DNAJC11: variants seen among roughly 807,000 people sequenced by gnomAD.
DNAJC11 encodes dnaJ homolog subfamily C member 11.
A neutral mutation model predicts 78.6 loss-of-function variants in DNAJC11; 15 were observed. The observed-to-expected ratio is 0.19, with a 90% CI of 0.13 to 0.29. The LOEUF (loss-of-function observed/expected upper bound fraction) is 0.29, where lower values mean the gene tolerates loss of function less well. Among genes scored for constraint, DNAJC11 ranks in the 10% least tolerant of loss-of-function variants. DNAJC11 has a pLI of 1.00. For missense variants in DNAJC11, 547 were observed against 709.6 expected (o/e 0.77, Z 2.60); for synonymous variants, 292 against 272.1 (o/e 1.07, Z -0.72).
At chr1:6,662,028 T>C (rs113119741) in intron 4 of DNAJC11, among the ~76,000 whole-genome samples, 159 of 152,228 alleles carry the variant, frequency 1.0e-3, no homozygotes, top group African/African-American at 3.6e-3. Flanking sequence ...CCTGGCTTAC[T>C]GCAACCTCCA....
intron 1 of DNAJC11, among the ~76,000 whole-genome samples, chr1:6,692,733 C>T (rs1177703718): frequency 1.3e-5 from 2 of 151,532 alleles, no homozygotes; most frequent in Non-Finnish European, 2.9e-5. Context: ...GCCTCAGCCT[C>T]CCATGTAGCT....
At chr1:6,690,703 T>C (rs956912422) in intron 1 of DNAJC11, among the ~76,000 whole-genome samples, 1 of 152,182 alleles carries the variant, frequency 6.6e-6, no homozygotes, top group Admixed American at 6.6e-5. Context: ...GGTGGGCGGA[T>C]CACGAGGTCA....
chr1:6,661,567 C>T (rs376917541), intron 4 of DNAJC11, among the ~76,000 whole-genome samples: 3 of 152,202 alleles, frequency 2.0e-5, no homozygotes, highest in East Asian at 3.8e-4. Context: ...ACAGTGCTTT[C>T]CCAGACCTGA....
chr1:6,654,194 A>G (rs1642095620), intron 4 of DNAJC11, 155 bp from the exon 5 acceptor site: 1 of 840,706 alleles, frequency 1.2e-6, no homozygotes, highest in Non-Finnish European at 1.8e-6. Context: ...GAAGCCCACA[A>G]AGCATGAATG....
chr1:6,661,179 G>A (rs1642207079), intron 4 of DNAJC11, among the ~76,000 whole-genome samples: 1 of 152,084 alleles, frequency 6.6e-6, no homozygotes, highest in Admixed American at 6.6e-5. Flanking sequence ...GGCCATGAGG[G>A]TAACATAAGA....
chr1:6,634,950 C>G lies in DNAJC11; in HGVS notation c.*725G>C, dbSNP rs1341480121. The G allele has an allele frequency of 9.5e-7, 1 of 1,054,438 alleles. No individual in the cohort carries two copies. The highest frequency in any genetic ancestry group is 1.2e-6 in the Non-Finnish European group (1 of 825,600). 65.3% of individuals were successfully genotyped at this position (1,054,438 alleles called of 1,614,324 possible). ...AGGGACACAGGCCAGCTCAAGCCCG[C>G]TGGTGGCAGGGCGTTTTCCCACCGG... On this transcript the variant is annotated 3_prime_UTR_variant, in exon 16 of 16. Coordinates refer to ENST00000377577, the MANE Select transcript of DNAJC11 (RefSeq NM_018198.4).
intron 3 of DNAJC11, chr1:6,668,177 G>A (rs930382100): frequency 1.6e-5 from 3 of 188,510 alleles, no homozygotes; most frequent in Non-Finnish European, 1.1e-5. Context: ...TCGCTCTGTC[G>A]CCCAAGCTGA....
At chr1:6,644,517 G>A (rs749874628) in intron 10 of DNAJC11, 41 bp downstream of exon 10, 18 of 1,358,542 alleles carry the variant, frequency 1.3e-5, no homozygotes, top group Non-Finnish European at 1.8e-5. Flanking sequence ...GAGTGAAGGT[G>A]ACAGGCATTC....
At chr1:6,652,079 G>A (rs1043972689) in intron 6 of DNAJC11, among the ~76,000 whole-genome samples, 2 of 152,188 alleles carry the variant, frequency 1.3e-5, no homozygotes, top group Admixed American at 6.5e-5. Flanking sequence ...AAGCCCAGCC[G>A]CGGTTCCACA....
chr1:6,656,773 G>A (rs954768362), intron 4 of DNAJC11, among the ~76,000 whole-genome samples: 2 of 148,592 alleles, frequency 1.3e-5, no homozygotes, highest in East Asian at 2.0e-4. Context: ...GGTGGTATCC[G>A]CCTGTGGTCC....
At position 6,653,144 on chromosome 1, in the gene DNAJC11, A is replaced by C. The variant is rs921373940; in HGVS notation, c.508-193T>G. Among the ~76,000 whole-genome samples the C allele has an allele frequency of 6.6e-6, 1 of 152,156 alleles. No individual in the cohort carries two copies. Among genetic ancestry groups the C allele is most frequent in the African/African-American group, 2.4e-5 (1 of 41,440 alleles). ...TTTGTTATTTGGTCTGCATGTGACC[A>C]CGAGGGTAATATGCTTTGCAAAAGC... On this transcript the variant is annotated intron_variant, in intron 5 of 15. Transcript: ENST00000377577. The surrounding 1 kb of genome is among the most constrained non-coding windows in gnomAD (Gnocchi z 4.5).
chr1:6,691,707 T>C (rs983471459), intron 1 of DNAJC11, among the ~76,000 whole-genome samples: 2 of 152,166 alleles, frequency 1.3e-5, no homozygotes, highest in East Asian at 1.9e-4. Context: ...ACTCAAAACA[T>C]GCAGAAGTGG....
intron 4 of DNAJC11, among the ~76,000 whole-genome samples, chr1:6,664,241 CTT>C (rs946714292): frequency 2.5e-4 from 35 of 140,286 alleles, no homozygotes; most frequent in Non-Finnish European, 2.2e-4. Context: ...CATTTTCTTT[CTT>C]TTTTTTTTTT....
intron 6 of DNAJC11, among the ~76,000 whole-genome samples, chr1:6,652,250 GCAC>G: frequency 6.6e-6 from 1 of 152,326 alleles, no homozygotes; most frequent in South Asian, 2.1e-4. Flanking sequence ...GCGGAAGAGA[GCAC>G]CTGCCTTCTG....
At chr1:6,636,019 T>G in intron 15 of DNAJC11, 98 bp downstream of exon 15, 3 of 1,473,204 alleles carry the variant, frequency 2.0e-6, no homozygotes, top group Non-Finnish European at 2.7e-6. Context: ...GGTGGGCAGC[T>G]GAGGAAGGTG....
rs565761345 is a variant in DNAJC11 at position 6,634,855 on chromosome 1, G to T, written c.*820C>A. 8.1e-7 allele frequency: 1 copy of T among 1,230,144 alleles called. No individual in the cohort carries two copies. The highest frequency in any genetic ancestry group is 1.1e-6 in the Non-Finnish European group (1 of 951,690). 76.2% of individuals were successfully genotyped at this position (1,230,144 alleles called of 1,614,324 possible). ...GGGTGTGTCTGATGTCTTGCCAAGC[G>T]CCTGGTCCTGTCCTCTTGAGCTGCC... On this transcript the variant is annotated 3_prime_UTR_variant, in exon 16 of 16. Transcript: ENST00000377577.
At chr1:6,685,830 T>C (rs1322740739) in intron 1 of DNAJC11, among the ~76,000 whole-genome samples, 2 of 152,248 alleles carry the variant, frequency 1.3e-5, no homozygotes, top group Non-Finnish European at 2.9e-5. Flanking sequence ...AGTTACAATA[T>C]CATTGTTCTG....
intron 1 of DNAJC11, among the ~76,000 whole-genome samples, chr1:6,691,153 A>G (rs1370802500): frequency 1.3e-5 from 2 of 150,686 alleles, no homozygotes; most frequent in East Asian, 3.9e-4. Flanking sequence ...TGAAAAAAAG[A>G]TTACACAATT....
At chr1:6,669,513 TAGAAAAG>T (rs1642343323) in intron 3 of DNAJC11, among the ~76,000 whole-genome samples, 1 of 121,782 alleles carries the variant, frequency 8.2e-6, no homozygotes, top group African/African-American at 3.2e-5. Flanking sequence ...AACTCTGTCT[TAGAAAAG>T]AAAAGAAAAG....
Sources: gnomAD v4.1 joint callset for allele counts (sites outside exome capture counted in the v4.1 genomes callset) on GRCh38, gnomAD v4.1.1 for gene constraint, Gnocchi (gnomAD v3.1) non-coding constraint, MANE v1.5 for transcripts, NCBI Gene and HGNC (gene_info 2026-07-23, HGNC 2026-07-21) for gene names.